IL1RAP: variants seen among roughly 807,000 people sequenced by gnomAD.
IL1RAP encodes the protein interleukin-1 receptor accessory protein.
IL1RAP carries 35 observed loss-of-function variants against 60.7 expected under a neutral mutation model. The ratio of observed to expected loss-of-function variants is 0.58; its 90% confidence interval spans 0.44 to 0.76. The LOEUF (loss-of-function observed/expected upper bound fraction) is 0.76, where lower values mean the gene tolerates loss of function less well. Among genes scored for constraint, IL1RAP ranks in the 30% least tolerant of loss-of-function variants. The pLI, the probability that IL1RAP is intolerant of heterozygous loss-of-function variation, is 0.00. For synonymous variants in IL1RAP, 268 were observed against 250.9 expected (o/e 1.07, Z -0.64); for missense variants, 572 against 693.9 (o/e 0.82, Z 1.97).
chr3:190,564,064 T>C, intron 2 of IL1RAP: 1 of 521,094 alleles, frequency 1.9e-6, no homozygotes, highest in Non-Finnish European at 3.5e-6. Context: ...TGTATTAAAC[T>C]TCTTTATCTG....
intron 1 of IL1RAP, among the ~76,000 whole-genome samples, chr3:190,527,790 C>G (rs1354854274): frequency 6.8e-6 from 1 of 145,994 alleles, no homozygotes; most frequent in Non-Finnish European, 1.5e-5. Context: ...TTCGATATTC[C>G]TGACACTATT....
chr3:190,638,379 A>G (rs1225695227), intron 9 of IL1RAP, among the ~76,000 whole-genome samples: 3 of 152,126 alleles, frequency 2.0e-5, no homozygotes, highest in African/African-American at 4.8e-5. Flanking sequence ...CTGAGCACTT[A>G]CACCTCATGT....
chr3:190,573,046 G>GAGAAAA, intron 3 of IL1RAP, among the ~76,000 whole-genome samples: 3 of 48,564 alleles, frequency 6.2e-5, no homozygotes, highest in Non-Finnish European at 1.5e-4. Flanking sequence ...TGTATTTTTA[G>GAGAAAA]TAGAGACGGG....
At chr3:190,608,547 C>T (rs1730549199) in intron 4 of IL1RAP, among the ~76,000 whole-genome samples, 1 of 152,072 alleles carries the variant, frequency 6.6e-6, no homozygotes, top group South Asian at 2.1e-4. Context: ...TCTGACGGTG[C>T]ATAGGTTTGT....
chr3:190,553,954 G>C (rs1308288738), intron 1 of IL1RAP, among the ~76,000 whole-genome samples: 1 of 149,752 alleles, frequency 6.7e-6, no homozygotes, highest in Non-Finnish European at 1.5e-5. Flanking sequence ...CCAGCTACTC[G>C]GGAGGCTGAG....
At chr3:190,583,312 A>C (rs888829484) in intron 3 of IL1RAP, among the ~76,000 whole-genome samples, 2 of 152,246 alleles carry the variant, frequency 1.3e-5, no homozygotes, top group Non-Finnish European at 2.9e-5. Context: ...CGAATGAATG[A>C]AAGGATATAA....
chr3:190,635,959 TC>T (rs1045987011), intron 9 of IL1RAP, among the ~76,000 whole-genome samples: 1 of 152,200 alleles, frequency 6.6e-6, no homozygotes, highest in Non-Finnish European at 1.5e-5. Flanking sequence ...AGGTTCAATT[TC>T]CAGGGTATCT....
downstream of IL1RAP, among the ~76,000 whole-genome samples, chr3:190,652,700 T>C (rs1198147924): frequency 6.6e-6 from 1 of 152,208 alleles, no homozygotes; most frequent in Non-Finnish European, 1.5e-5. Flanking sequence ...ATACTAGGCC[T>C]GCCATTACCA....
chr3:190,610,072 GA>G (rs1730688425), intron 5 of IL1RAP, among the ~76,000 whole-genome samples: 1 of 152,136 alleles, frequency 6.6e-6, no homozygotes. Flanking sequence ...TCACAACTCT[GA>G]AATATGACCA....
intron 3 of IL1RAP, among the ~76,000 whole-genome samples, chr3:190,576,299 T>C (rs2108661840): frequency 6.6e-6 from 1 of 152,210 alleles, no homozygotes; most frequent in Non-Finnish European, 1.5e-5. Context: ...CAGAATATTG[T>C]AAGTTAAAGG....
At chr3:190,658,788 CA>C (rs1361640895) in exon 12 of IL1RAP, 2 of 152,092 alleles carry the variant, frequency 1.3e-5, no homozygotes, top group Admixed American at 6.6e-5. Context: ...AACAAACAAA[CA>C]AACAAAAAAC....
At chr3:190,620,899 C>T (rs1241694009) in intron 6 of IL1RAP, among the ~76,000 whole-genome samples, 1 of 152,290 alleles carries the variant, frequency 6.6e-6, no homozygotes, top group Admixed American at 6.5e-5. Context: ...TAAGTAAACT[C>T]TATTTTTCTA....
intron 1 of IL1RAP, among the ~76,000 whole-genome samples, chr3:190,552,084 C>T (rs1172144785): frequency 6.6e-6 from 1 of 152,054 alleles, no homozygotes; most frequent in East Asian, 1.9e-4. Flanking sequence ...TCCAAAAAGC[C>T]AGGTGTCAGG....
chr3:190,628,307 T>A (rs569808390), intron 8 of IL1RAP, among the ~76,000 whole-genome samples: 47 of 152,320 alleles, frequency 3.1e-4, no homozygotes, highest in Non-Finnish European at 4.9e-4. Flanking sequence ...TGATCTTTTT[T>A]AGGAATTTTT....
chr3:190,655,181 G>A (rs73062297), downstream of IL1RAP, among the ~76,000 whole-genome samples: 446 of 152,232 alleles, frequency 2.9e-3, 1 homozygote, highest in African/African-American at 0.01. Context: ...GATAATTCCT[G>A]TTGCTCTTTG....
At chr3:190,556,808 C>G (rs1179247484) in intron 2 of IL1RAP, among the ~76,000 whole-genome samples, 1 of 152,116 alleles carries the variant, frequency 6.6e-6, no homozygotes, top group Non-Finnish European at 1.5e-5. Flanking sequence ...CTCCATAGTT[C>G]CTCAATTATT....
chr3:190,599,344 C>T (rs1347177423), intron 3 of IL1RAP, among the ~76,000 whole-genome samples: 3 of 152,162 alleles, frequency 2.0e-5, no homozygotes, highest in Non-Finnish European at 4.4e-5. Flanking sequence ...GCATTTGTCA[C>T]CTTCACACTT....
At chr3:190,618,314 A>G (rs147547830) in intron 5 of IL1RAP, among the ~76,000 whole-genome samples, 10 of 152,356 alleles carry the variant, frequency 6.6e-5, no homozygotes, top group African/African-American at 2.4e-4. Flanking sequence ...TACAAACTTT[A>G]CATGTTTGGA....
chr3:190,644,564 G>T (rs1366407758), intron 10 of IL1RAP, among the ~76,000 whole-genome samples, 167 bp downstream of exon 10: 1 of 152,126 alleles, frequency 6.6e-6, no homozygotes, highest in Non-Finnish European at 1.5e-5. Flanking sequence ...TCTTTCCGAA[G>T]ATTATTATTC....
Sources: gnomAD v4.1 joint callset for allele counts (sites outside exome capture counted in the v4.1 genomes callset) on GRCh38, gnomAD v4.1.1 for gene constraint, MANE v1.5 for transcripts, NCBI Gene and HGNC (gene_info 2026-07-23, HGNC 2026-07-21) for gene names.